MUC15: variants seen among roughly 807,000 people sequenced by gnomAD.
MUC15 encodes the protein mucin 15, cell surface associated.
Under a neutral mutation model 24.0 loss-of-function variants are expected in MUC15, and 23 were observed. The observed-to-expected ratio is 0.96, with a 90% CI of 0.69 to 1.36. MUC15 has a LOEUF of 1.36. Among genes scored for constraint, MUC15 ranks in the 40% most tolerant of loss-of-function variants. MUC15 has a pLI of 0.00. For synonymous variants in MUC15, 151 were observed against 156.3 expected, an observed-to-expected ratio of 0.97 and a Z score of 0.25; for missense variants, 442 against 428.2, an observed-to-expected ratio of 1.03 and a Z score of -0.29.
chr11:26,565,097 T>G, intron 3 of MUC15, 68 bp downstream of exon 3: 1 of 1,430,962 alleles, frequency 7.0e-7, no homozygotes, highest in Non-Finnish European at 9.3e-7. Context: ...TTCCTTAGAC[T>G]TACTCTGCAT....
At chr11:26,565,016 T>G (rs1850509711) in intron 3 of MUC15, 149 bp downstream of exon 3, 1 of 720,136 alleles carries the variant, frequency 1.4e-6, no homozygotes. Context: ...TTCTAGTGAC[T>G]ATAATGATCA....
intron 4 of MUC15, among the ~76,000 whole-genome samples, chr11:26,562,305 T>C (rs1010398316): frequency 2.6e-5 from 4 of 151,914 alleles, no homozygotes; most frequent in Non-Finnish European, 4.4e-5. Context: ...GAGAAATATA[T>C]CAGTTATATC....
rs576323411 is a variant in MUC15, at chr11:26,568,902, C to T, written c.-45-1763G>A. ...ATCTACGGCATGTGATCTAATTTGT[C>T]AATTGTACTTAGCCACTATTTTCAG... On this transcript the variant is annotated intron_variant, in intron 1 of 4. Coordinates refer to ENST00000529533, the MANE Select transcript of MUC15 (RefSeq NM_001135091.2). Among the ~76,000 whole-genome samples the T allele has an allele frequency of 2.2e-4, 33 of 152,138 alleles. 1 individual carries two copies. In the East Asian group the frequency reaches 3.7e-3, roughly 17 times the overall value.
At chr11:26,569,363 TTTA>T (rs1850727790) in intron 1 of MUC15, among the ~76,000 whole-genome samples, 1 of 152,108 alleles carries the variant, frequency 6.6e-6, no homozygotes, top group South Asian at 2.1e-4. Context: ...TATTCAGAAA[TTTA>T]TACACTACAG....
intron 3 of MUC15, among the ~76,000 whole-genome samples, chr11:26,563,938 G>T (rs1850406837): frequency 6.6e-6 from 1 of 151,756 alleles, no homozygotes; most frequent in South Asian, 2.1e-4. Flanking sequence ...AATGTTCTCT[G>T]AACTGAAATT....
At chr11:26,571,289 A>G (rs1850815516) in intron 1 of MUC15, among the ~76,000 whole-genome samples, 2 of 152,134 alleles carry the variant, frequency 1.3e-5, no homozygotes, top group Admixed American at 1.3e-4. Context: ...TCTACAGACT[A>G]AATAGAAAGT....
chr11:26,565,687 C>T lies in MUC15; in HGVS notation c.253G>A (p.Asp85Asn). The T allele has an allele frequency of 5.0e-6, 8 of 1,613,318 alleles. No homozygotes were observed. The highest frequency in any genetic ancestry group is 5.9e-6 in the Non-Finnish European group (7 of 1,179,550). ...SLESEANLNS[D>N]KENITTSNLK... ...TTTGAGGTGGTTATATTTTCTTTATCTGAGTTTAAGTTTGCTTCACTTTCC... is the reference window on the plus strand; with the variant it reads ...TTTGAGGTGGTTATATTTTCTTTATTTGAGTTTAAGTTTGCTTCACTTTCC... The change falls in exon 3 of 5, where the codon GAT becomes AAT. Residue 85 changes from aspartate to asparagine, a missense_variant. By Grantham distance (23) the Asp-to-Asn change is conservative. Coordinates refer to ENST00000529533, the MANE Select transcript of MUC15 (RefSeq NM_001135091.2).
chr11:26,562,288 T>C (rs181468136), intron 4 of MUC15, among the ~76,000 whole-genome samples: 1 of 152,114 alleles, frequency 6.6e-6, no homozygotes, highest in East Asian at 1.9e-4. Context: ...GATTTGGTTC[T>C]GAATATGAGA....
rs1187183977 is a variant in MUC15, at chr11:26,565,734, A to C, written c.206T>G (p.Met69Arg). 6.2e-7 allele frequency: 1 copy of C among 1,605,850 alleles called. No individual in the cohort carries two copies. The highest frequency in any genetic ancestry group is 2.2e-5 in the East Asian group (1 of 44,782). ...TQNIAEVFKT[M>R]ENKPISLESE... ...TTCCAAAGAAATAGGTTTATTTTCC[A>C]TTGTTTTAAAAACTTCTGCAATGTT... Residue 69 changes from methionine (M) to arginine (R), a missense_variant, in exon 3 of 5, where the codon ATG becomes AGG. Coordinates refer to ENST00000529533, the MANE Select transcript of MUC15 (RefSeq NM_001135091.2).
rs569557171 is a variant in MUC15, at chr11:26,565,090, C to A, written c.775+75G>T. On this transcript the variant is annotated intron_variant, in intron 3 of 4. Coordinates refer to ENST00000529533, the MANE Select transcript of MUC15 (RefSeq NM_001135091.2). ...TTCTGTTTTTCCAGCATGGTGATTC[C>A]TTAGACTTACTCTGCATGACTTATT... The A allele has an allele frequency of 3.5e-5, 49 of 1,396,160 alleles. No homozygotes were observed. In the East Asian group the frequency reaches 9.8e-4, roughly 28 times the overall value. The allele number at this position is 1,396,160 out of a possible 1,614,324, so 86.5% of individuals were successfully genotyped here.
At chr11:26,568,746 T>C (rs1001167131) in intron 1 of MUC15, among the ~76,000 whole-genome samples, 4 of 152,184 alleles carry the variant, frequency 2.6e-5, no homozygotes, top group African/African-American at 9.6e-5. Flanking sequence ...TTTACTTAAA[T>C]TGATGCCTCA....
At position 26,565,530 on chromosome 11, in the gene MUC15, G is replaced by A; in HGVS notation, c.410C>T (p.Pro137Leu). 1.9e-6 allele frequency: 3 copies of A among 1,613,404 alleles called. No individual in the cohort carries two copies. Among genetic ancestry groups the A allele is most frequent in the Non-Finnish European group, 2.5e-6 (3 of 1,179,572 alleles). The change falls in exon 3 of 5, where the codon CCT (proline) becomes CTT (leucine). Residue 137 changes from proline (P) to leucine (L), a missense_variant. Physicochemically the swap from Pro to Leu is moderately conservative, Grantham distance 98 (BLOSUM62 -3). Transcript: ENST00000529533. ...LKPTSTISTS[P>L]PLIHSFVSKV... ...AGAAACAAAGCTATGGATCAAGGGA[G>A]GGCTTGTGGAAATGGTAGATGTGGG...
At chr11:26,561,824 C>A (rs1460874604) in intron 4 of MUC15, among the ~76,000 whole-genome samples, 6 of 151,840 alleles carry the variant, frequency 4.0e-5, no homozygotes, top group African/African-American at 1.4e-4. Flanking sequence ...TCCTAAAGAT[C>A]TTGAATTCAT....
In MUC15 at chr11:26,560,257, C is replaced by T. The variant is rs1376345001; in HGVS notation, c.*808G>A. On this transcript the variant is annotated 3_prime_UTR_variant, in exon 5 of 5. Transcript: ENST00000529533. ...CCAGTTCCTATCTAACAACTTAAAA[C>T]TGTACAAATTATGTACAGGTATATT... 2 of 153,020 alleles carry T rather than the reference C, an allele frequency of 1.3e-5. No individual in the cohort carries two copies. The highest frequency in any genetic ancestry group is 4.8e-5 in the African/African-American group (2 of 41,416). The allele number at this position is 153,020 out of a possible 1,614,324, so 9.5% of individuals were successfully genotyped here. A position where few individuals can be genotyped will look rare whatever the true frequency, so the allele number is the denominator to read the frequency against.
chr11:26,567,842 G>T (rs1375267827), intron 1 of MUC15, among the ~76,000 whole-genome samples: 1 of 151,978 alleles, frequency 6.6e-6, no homozygotes, highest in Non-Finnish European at 1.5e-5. Flanking sequence ...GGCTAGAGCT[G>T]TATGCAACGA....
Position 26,560,939 on chromosome 11 carries a change from G to A in MUC15, c.*126C>T. The A allele has an allele frequency of 1.1e-6, 1 of 924,018 alleles. No individual in the cohort carries two copies. The highest frequency in any genetic ancestry group is 1.6e-6 in the Non-Finnish European group (1 of 621,118). 57.2% of individuals were successfully genotyped at this position (924,018 alleles called of 1,614,324 possible). ...TCTACATTTCTGCTACTGGTCTCCTGCTTTTATGATTCTCCTTGACAAAAT... is the reference window on the plus strand; with the variant it reads ...TCTACATTTCTGCTACTGGTCTCCTACTTTTATGATTCTCCTTGACAAAAT... On this transcript the variant is annotated 3_prime_UTR_variant, in exon 5 of 5. Transcript: ENST00000529533.
chr11:26,569,931 T>C (rs535244497), intron 1 of MUC15, among the ~76,000 whole-genome samples: 2 of 152,034 alleles, frequency 1.3e-5, no homozygotes, highest in South Asian at 2.1e-4. Flanking sequence ...TTTCACCTCC[T>C]GATCTTTGCC....
intron 1 of MUC15, among the ~76,000 whole-genome samples, 185 bp from the exon 2 acceptor site, chr11:26,567,324 C>T (rs1850630368): frequency 6.6e-6 from 1 of 151,804 alleles, no homozygotes; most frequent in Admixed American, 6.6e-5. Flanking sequence ...CACTGAAAGC[C>T]TCCATGCTGA....
chr11:26,564,085 C>T (rs529323127), intron 3 of MUC15, among the ~76,000 whole-genome samples: 3 of 151,582 alleles, frequency 2.0e-5, no homozygotes, highest in Admixed American at 6.6e-5. Context: ...GTACAGTAAA[C>T]TTGTTACTAA....
Sources: allele counts gnomAD v4.1 joint callset (sites outside exome capture counted in the v4.1 genomes callset), GRCh38; gene constraint gnomAD v4.1.1; transcripts MANE v1.5; gene names NCBI Gene and HGNC (gene_info 2026-07-23, HGNC 2026-07-21).